Variants in MERTK observed in about 807,000 individuals in gnomAD.
MERTK encodes the protein tyrosine-protein kinase Mer.
Under a neutral mutation model 99.3 loss-of-function variants are expected in MERTK, and 69 were observed. The observed-to-expected ratio is 0.70, with a 90% CI of 0.57 to 0.85. MERTK has a LOEUF of 0.85. Among genes scored for constraint, MERTK ranks in the 40% least tolerant of loss-of-function variants. MERTK has a pLI of 0.00. For synonymous variants in MERTK, 426 were observed against 467.6 expected (o/e 0.91, Z 1.15); for missense variants, 1,125 against 1,249.4 (o/e 0.90, Z 1.50).
chr2:112,010,028 A>G lies in MERTK; in HGVS notation c.2041A>G (p.Thr681Ala). 1 of 1,613,690 alleles carries G rather than the reference A, an allele frequency of 6.2e-7. No individual in the cohort carries two copies. Among genetic ancestry groups the G allele is most frequent in the African/African-American group, 1.3e-5 (1 of 75,026 alleles). ...LPFMKYGDLH[T>A]YLLYSRLETG... ...CTTCATGAAATACGGGGACCTGCAT[A>G]CTTACTTACTTTATTCCCGATTGGA... is the stretch of plus-strand genomic sequence containing the variant. Residue 681 changes from threonine (T) to alanine (A), a missense_variant, in exon 15 of 19, where the codon ACT (threonine) becomes GCT (alanine). Coordinates refer to ENST00000295408, the MANE Select transcript of MERTK (RefSeq NM_006343.3).
chr2:112,028,978 C>G lies in MERTK; in HGVS notation c.*114C>G. 6.3e-7 allele frequency: 1 copy of G among 1,588,038 alleles called. No homozygotes were observed. Among genetic ancestry groups the G allele is most frequent in the Non-Finnish European group, 8.6e-7 (1 of 1,167,130 alleles). ...TTCCTTACCAAGTGAACTCCATGGC[C>G]CCAAAGCACCAGATGAATGTTGTTA... On this transcript the variant is annotated 3_prime_UTR_variant, in exon 19 of 19. Coordinates refer to ENST00000295408, the MANE Select transcript of MERTK (RefSeq NM_006343.3).
chr2:112,020,688 C>T (rs1402123267), intron 16 of MERTK: 5 of 470,998 alleles, frequency 1.1e-5, no homozygotes, highest in Non-Finnish European at 2.2e-5. Context: ...TCTCAGGGGG[C>T]TTACTTAGTC....
intron 1 of MERTK, chr2:111,913,009 C>T (rs1297672473): frequency 2.0e-6 from 2 of 984,622 alleles, no homozygotes; most frequent in East Asian, 2.3e-4. Context: ...ACACCCTTCA[C>T]AGGATTAGAG....
Position 112,019,453 on chromosome 2 carries a change from T to G in MERTK, c.2120T>G (p.Ile707Ser). 1 of 1,613,922 alleles carries G rather than the reference T, an allele frequency of 6.2e-7. No homozygotes were observed. The highest frequency in any genetic ancestry group is 8.5e-7 in the Non-Finnish European group (1 of 1,179,772). ...ACACTATTGAAGTTCATGGTGGATA[T>G]TGCCCTGGGAATGGAGTATCTGAGC... ...LQTLLKFMVD[I>S]ALGMEYLSNR... Residue 707 changes from isoleucine to serine, a missense_variant, in exon 16 of 19, where the codon ATT (isoleucine) becomes AGT (serine). Transcript: ENST00000295408.
rs938045418 is a variant in MERTK, at chr2:112,019,688, T to A, written c.2189+166T>A. Among the ~76,000 whole-genome samples the A allele has an allele frequency of 7.5e-4, 114 of 152,086 alleles. 1 individual carries two copies. The highest frequency in any genetic ancestry group is 1.9e-4 in the Non-Finnish European group (13 of 68,024). Reference sequence around the variant, plus strand: ...GAAATATGGCTGGGTGTTTGGGAGTTTTCACTGCCTCTGTATCTGAGAGTC... The same window carrying A: ...GAAATATGGCTGGGTGTTTGGGAGTATTCACTGCCTCTGTATCTGAGAGTC... On this transcript the variant is annotated intron_variant, in intron 16 of 18. Transcript: ENST00000295408.
intron 8 of MERTK, among the ~76,000 whole-genome samples, chr2:111,985,300 G>T (rs1032744313): frequency 7.9e-5 from 12 of 152,122 alleles, no homozygotes; most frequent in Admixed American, 2.6e-4. Context: ...ATGATGCCTG[G>T]GTGTGATTAG....
At chr2:112,002,961 A>T in intron 11 of MERTK, 131 bp from the exon 12 acceptor site, 1 of 568,942 alleles carries the variant, frequency 1.8e-6, no homozygotes, top group Non-Finnish European at 3.3e-6. Context: ...CAACAGAGCT[A>T]GACTCTGGCT....
At position 112,019,542 on chromosome 2, in the gene MERTK, C is replaced by T. The variant is rs368244303; in HGVS notation, c.2189+20C>T. 7.7e-6 allele frequency: 12 copies of T among 1,567,722 alleles called. No individual in the cohort carries two copies. The highest frequency in any genetic ancestry group is 1.4e-5 in the African/African-American group (1 of 73,870). On this transcript the variant is annotated intron_variant, in intron 16 of 18. Coordinates refer to ENST00000295408, the MANE Select transcript of MERTK (RefSeq NM_006343.3). ...CTGCATGTAAGAGTCCTCGGCTATC[C>T]TGGAAGGGTTTGGACCTCATGGTGT...
At chr2:111,942,770 T>C (rs1050858151) in intron 2 of MERTK, among the ~76,000 whole-genome samples, 1 of 152,070 alleles carries the variant, frequency 6.6e-6, no homozygotes, top group African/African-American at 2.4e-5. Flanking sequence ...GATTTACACA[T>C]CAGGAAATGC....
chr2:111,929,355 A>C lies in MERTK; in HGVS notation c.297A>C (p.Thr99=). ...TACCGCCTCTTGCCTTCAAACACAC[A>C]GTTGGACACATAATACTTTCTGAAC... ...KPLPPLAFKH[T]VGHIILSEHK... Residue 99 remains threonine (T), a synonymous_variant, in exon 2 of 19, where the codon ACA becomes ACC. Transcript: ENST00000295408. 6.2e-7 allele frequency: 1 copy of C among 1,614,160 alleles called. No homozygotes were observed. Among genetic ancestry groups the C allele is most frequent in the South Asian group, 1.1e-5 (1 of 91,080 alleles).
chr2:111,991,719 T>C (rs899535316), intron 8 of MERTK, among the ~76,000 whole-genome samples: 4 of 152,118 alleles, frequency 2.6e-5, no homozygotes, highest in South Asian at 2.1e-4. Context: ...GATATTACGA[T>C]ATACTGTGTG....
chr2:111,940,800 A>G (rs1684849736), intron 2 of MERTK: 2 of 1,040,664 alleles, frequency 1.9e-6, no homozygotes, highest in Admixed American at 1.7e-5. Context: ...GCCAGTCAAT[A>G]GCTTCTTGTC....
chr2:112,028,178 A>G (rs1054373701), intron 18 of MERTK, 173 bp from the exon 19 acceptor site: 2 of 713,234 alleles, frequency 2.8e-6, no homozygotes, highest in African/African-American at 3.6e-5. Flanking sequence ...ACCATGGAAC[A>G]TTTACAAAAG....
rs387907314 is a variant in MERTK at position 112,021,555 on chromosome 2, C to T, written c.2323C>T (p.Arg775Ter). The T allele has an allele frequency of 3.9e-6, 6 of 1,550,592 alleles. No homozygotes were observed. Among genetic ancestry groups the T allele is most frequent in the South Asian group, 1.2e-5 (1 of 83,838 alleles). The change falls in exon 17 of 19, where the codon CGA becomes TGA. Residue 775 changes from arginine to a stop codon, truncating the protein, a stop_gained. Coordinates refer to ENST00000295408, the MANE Select transcript of MERTK (RefSeq NM_006343.3). LOFTEE classifies it high-confidence loss of function. Reference sequence around the variant, plus strand: ...GATCGCCATAGAAAGTCTTGCAGACCGAGTCTACACAAGTAAAAGTGATGT... The same window carrying T: ...GATCGCCATAGAAAGTCTTGCAGACTGAGTCTACACAAGTAAAAGTGATGT... Reference protein sequence around the residue: ...KWIAIESLADRVYTSKSDVWA... With the variant: ...KWIAIESLAD
At chr2:111,968,107 A>ATGTGTGTGTG (rs113538397) in intron 5 of MERTK, 30 bp from the exon 6 acceptor site, 28 of 1,258,238 alleles carry the variant, frequency 2.2e-5, no homozygotes, top group Middle Eastern at 1.9e-4. Flanking sequence ...TTGTGTGTGT[A>ATGTGTGTGTG]TGTGTGTGTG....
At position 111,898,755 on chromosome 2, in the gene MERTK, C is replaced by A; in HGVS notation, c.20C>A (p.Pro7Gln). 1 of 1,605,958 alleles carries A rather than the reference C, an allele frequency of 6.2e-7. No homozygotes were observed. ...CCCGGGATGGGGCCGGCCCCGCTGC[C>A]GCTGCTGCTGGGCCTCTTCCTCCCC... MGPAPLPLLLGLFLPAL... is the reference protein window; with the variant it reads MGPAPLQLLLGLFLPAL... The change falls in exon 1 of 19, where the codon CCG becomes CAG. Residue 7 changes from proline to glutamine, a missense_variant. By Grantham distance (76) the Pro-to-Gln change is moderately conservative. Transcript: ENST00000295408.
At chr2:111,969,814 C>T (rs1274336051) in intron 6 of MERTK, among the ~76,000 whole-genome samples, 1 of 151,932 alleles carries the variant, frequency 6.6e-6, no homozygotes, top group African/African-American at 2.4e-5. Flanking sequence ...GCCTCAGCCT[C>T]CTGAGTAGCT....
chr2:112,003,812 C>T (rs1676921982), intron 12 of MERTK, 92 bp from the exon 13 acceptor site: 2 of 1,191,786 alleles, frequency 1.7e-6, no homozygotes, highest in Admixed American at 3.4e-5. Flanking sequence ...TGCTCTCATA[C>T]CACATGAAAC....
chr2:111,921,221 A>C (rs1386713973), intron 1 of MERTK, among the ~76,000 whole-genome samples: 2 of 152,160 alleles, frequency 1.3e-5, no homozygotes, highest in Non-Finnish European at 2.9e-5. Context: ...ACCAGCATTT[A>C]CAGGATTCCA....
Sources: allele counts gnomAD v4.1 joint callset (sites outside exome capture counted in the v4.1 genomes callset), GRCh38; gene constraint gnomAD v4.1.1; transcripts MANE v1.5; gene names NCBI Gene and HGNC (gene_info 2026-07-23, HGNC 2026-07-21).